CAMTA1: variants seen among roughly 807,000 people sequenced by gnomAD.
CAMTA1 encodes calmodulin-binding transcription activator 1.
In CAMTA1, 27 loss-of-function variants were observed where a neutral mutation model predicts 170.9. The ratio of observed to expected loss-of-function variants is 0.16; its 90% CI spans 0.12 to 0.22. The LOEUF (loss-of-function observed/expected upper bound fraction) is 0.22. Among genes scored for constraint, CAMTA1 ranks in the 10% least tolerant of loss-of-function variants. The pLI, the probability that CAMTA1 is intolerant of heterozygous loss-of-function variation, is 1.00. For missense variants in CAMTA1, 1,619 were observed against 2,217.2 expected (o/e 0.73, Z 5.42); for synonymous variants, 833 against 891.5 (o/e 0.93, Z 1.17).
At chr1:7,427,149 C>T (rs1054850840) in intron 5 of CAMTA1, among the ~76,000 whole-genome samples, 2 of 152,170 alleles carry the variant, frequency 1.3e-5, no homozygotes, top group African/African-American at 4.8e-5. Flanking sequence ...CTGTTTATTA[C>T]AACCCTGAAA....
chr1:7,076,194 A>C (rs79977604), intron 3 of CAMTA1, among the ~76,000 whole-genome samples: 8,300 of 152,296 alleles, frequency 0.054, 247 homozygotes, highest in African/African-American at 0.075. Context: ...GTAGACTGTC[A>C]TCACGTTGGA....
At chr1:7,159,115 A>G (rs1244421857) in intron 4 of CAMTA1, among the ~76,000 whole-genome samples, 3 of 151,848 alleles carry the variant, frequency 2.0e-5, no homozygotes, top group Admixed American at 2.0e-4. Context: ...TAAAGGAAAT[A>G]GTGGGGTCTC....
intron 5 of CAMTA1, among the ~76,000 whole-genome samples, chr1:7,411,806 G>A (rs181051049): frequency 1.5e-3 from 233 of 151,956 alleles, no homozygotes; most frequent in South Asian, 3.5e-3. Context: ...TGTGCACAAT[G>A]TGCAGGTTTG....
intron 3 of CAMTA1, among the ~76,000 whole-genome samples, chr1:6,894,059 A>G (rs1026808726): frequency 1.3e-5 from 2 of 152,248 alleles, no homozygotes; most frequent in African/African-American, 4.8e-5. Context: ...ATGAAGATTG[A>G]TGCTTTCAGG....
At chr1:7,278,657 T>G (rs7541881) in intron 5 of CAMTA1, among the ~76,000 whole-genome samples, 31,426 of 151,894 alleles carry the variant, frequency 0.21, 3,485 homozygotes, top group East Asian at 0.44. Flanking sequence ...GTTTTTGACT[T>G]GAACTTGTCA....
chr1:6,942,300 A>G (rs1049499248), intron 3 of CAMTA1, among the ~76,000 whole-genome samples: 3 of 152,168 alleles, frequency 2.0e-5, no homozygotes, highest in Non-Finnish European at 4.4e-5. Context: ...GTACTTAGCA[A>G]TTTTGAACAG....
At chr1:6,835,269 C>T (rs764469494) in intron 3 of CAMTA1, among the ~76,000 whole-genome samples, 11 of 152,138 alleles carry the variant, frequency 7.2e-5, no homozygotes, top group Non-Finnish European at 1.3e-4. Flanking sequence ...GGATGAAGAG[C>T]AGTTGAGTGG....
At chr1:6,915,829 CAG>C (rs1427356466) in intron 3 of CAMTA1, among the ~76,000 whole-genome samples, 9 of 152,184 alleles carry the variant, frequency 5.9e-5, no homozygotes, top group Non-Finnish European at 1.2e-4. Context: ...GGCCTGCAGA[CAG>C]GGGTGGCCCT....
intron 6 of CAMTA1, among the ~76,000 whole-genome samples, chr1:7,514,358 C>T (rs1036092405): frequency 3.3e-5 from 5 of 152,230 alleles, no homozygotes; most frequent in Admixed American, 6.5e-5. Context: ...TCTCTCTGCT[C>T]AGGAGCCAGG....
At chr1:7,409,555 T>TA (rs111699384) in intron 5 of CAMTA1, among the ~76,000 whole-genome samples, 10,980 of 152,186 alleles carry the variant, frequency 0.072, 1,064 homozygotes, top group African/African-American at 0.22. Context: ...TCCTGGGCCA[T>TA]GGCTGGCATT....
chr1:7,060,277 C>G (rs1708009230), intron 3 of CAMTA1, among the ~76,000 whole-genome samples: 1 of 152,220 alleles, frequency 6.6e-6, no homozygotes, highest in African/African-American at 2.4e-5. Flanking sequence ...CCCGAGGCCT[C>G]TCTCCTTGGC....
intron 6 of CAMTA1, among the ~76,000 whole-genome samples, chr1:7,546,961 C>G (rs1014554269): frequency 1.3e-5 from 2 of 152,068 alleles, no homozygotes; most frequent in Non-Finnish European, 1.5e-5. Context: ...AAAGTACTTT[C>G]ATAGTATATG....
chr1:7,335,589 C>T (rs1031050753), intron 5 of CAMTA1, among the ~76,000 whole-genome samples: 13 of 152,098 alleles, frequency 8.5e-5, no homozygotes, highest in African/African-American at 3.1e-4. Flanking sequence ...ATATACATCT[C>T]GCTCTGGGGA....
intron 11 of CAMTA1, among the ~76,000 whole-genome samples, chr1:7,707,105 T>A (rs2096532434): frequency 6.6e-6 from 1 of 152,054 alleles, no homozygotes; most frequent in African/African-American, 2.4e-5. Context: ...AGGCTGGTCT[T>A]GAACTCCTGA....
chr1:6,953,328 G>A (rs2149485263), intron 3 of CAMTA1, among the ~76,000 whole-genome samples: 1 of 152,338 alleles, frequency 6.6e-6, no homozygotes, highest in East Asian at 1.9e-4. Flanking sequence ...TGGAGACCTG[G>A]AAGGACTTGG....
At chr1:6,958,276 A>G (rs1689799991) in intron 3 of CAMTA1, among the ~76,000 whole-genome samples, 1 of 152,228 alleles carries the variant, frequency 6.6e-6, no homozygotes, top group African/African-American at 2.4e-5. Flanking sequence ...ATAAACGAAC[A>G]ACACACAAAC....
At chr1:7,478,384 C>A (rs2093457770) in intron 6 of CAMTA1, among the ~76,000 whole-genome samples, 1 of 152,130 alleles carries the variant, frequency 6.6e-6, no homozygotes. Flanking sequence ...CTGTGTGCCA[C>A]CCTCCCCGAG....
At chr1:7,604,691 T>C (rs2095472142) in intron 6 of CAMTA1, among the ~76,000 whole-genome samples, 1 of 152,248 alleles carries the variant, frequency 6.6e-6, no homozygotes, top group Non-Finnish European at 1.5e-5. Flanking sequence ...GTCAAAGTCA[T>C]TGTCTGTCCA....
intron 9 of CAMTA1, among the ~76,000 whole-genome samples, chr1:7,669,990 C>A (rs550839806): frequency 6.6e-6 from 1 of 152,368 alleles, no homozygotes; most frequent in East Asian, 1.9e-4. Context: ...TCTGCAGCAG[C>A]CCCAGGCTGG....
Sources: allele counts gnomAD v4.1 joint callset (sites outside exome capture counted in the v4.1 genomes callset), GRCh38; gene constraint gnomAD v4.1.1; transcripts MANE v1.5; gene names NCBI Gene and HGNC (gene_info 2026-07-23, HGNC 2026-07-21).